Variants in CDH8 observed in about 807,000 individuals in gnomAD.
CDH8 encodes cadherin 8.
CDH8 carries 17 observed loss-of-function variants against 68.1 expected under a neutral mutation model. That is an observed-to-expected ratio of 0.25 (90% CI 0.17 to 0.37). CDH8 has a LOEUF of 0.37. Among genes scored for constraint, CDH8 ranks in the 10% least tolerant of loss-of-function variants. CDH8 has a pLI of 1.00. For synonymous variants in CDH8, 372 were observed against 365.1 expected, an observed-to-expected ratio of 1.02 and a Z score of -0.21; for missense variants, 763 against 999.3, an observed-to-expected ratio of 0.76 and a Z score of 3.19.
intron 3 of CDH8, among the ~76,000 whole-genome samples, chr16:61,863,024 A>G (rs1473745179): frequency 6.6e-6 from 1 of 152,148 alleles, no homozygotes; most frequent in Non-Finnish European, 1.5e-5. Flanking sequence ...CCAACTTGAT[A>G]CTGATCCTAA....
chr16:61,981,712 G>A (rs961652342), intron 2 of CDH8, among the ~76,000 whole-genome samples: 11 of 152,104 alleles, frequency 7.2e-5, no homozygotes, highest in Middle Eastern at 3.2e-3. Context: ...GGGGCAGAAA[G>A]AGGAATGAGA....
chr16:61,959,982 GTGTATATATATATA>G (rs1211484844), intron 2 of CDH8, among the ~76,000 whole-genome samples: 1 of 31,070 alleles, frequency 3.2e-5, no homozygotes, highest in African/African-American at 9.7e-5. Flanking sequence ...GTGTGTGTGT[GTGTATATATATATA>G]TATATATATA....
chr16:61,706,644 A>AAAAT (rs1468847521), intron 10 of CDH8, among the ~76,000 whole-genome samples: 1 of 148,134 alleles, frequency 6.8e-6, no homozygotes, highest in Non-Finnish European at 1.5e-5. Flanking sequence ...AAAAAAAAAA[A>AAAAT]GTGTAACTGG....
chr16:61,892,933 A>T (rs185717856), intron 3 of CDH8, among the ~76,000 whole-genome samples: 216 of 152,290 alleles, frequency 1.4e-3, no homozygotes, highest in African/African-American at 5.0e-3. Context: ...TTTAGAATGC[A>T]GTTATAGAGC....
chr16:61,854,772 G>T (rs1245592083), intron 4 of CDH8, among the ~76,000 whole-genome samples: 1 of 151,888 alleles, frequency 6.6e-6, no homozygotes, highest in East Asian at 1.9e-4. Context: ...TGCTTAGCTT[G>T]TATAACCTCC....
intron 1 of CDH8, among the ~76,000 whole-genome samples, chr16:62,024,059 G>C (rs572466772): frequency 6.6e-6 from 1 of 151,732 alleles, no homozygotes; most frequent in Admixed American, 6.6e-5. Flanking sequence ...TCTCCATCTC[G>C]AACTCCTCAC....
At chr16:61,860,234 G>C (rs970402103) in intron 3 of CDH8, among the ~76,000 whole-genome samples, 13 of 152,212 alleles carry the variant, frequency 8.5e-5, no homozygotes, top group African/African-American at 3.1e-4. Context: ...TCAGATGACA[G>C]TACGAAGGGC....
intron 2 of CDH8, among the ~76,000 whole-genome samples, chr16:61,990,952 G>A (rs911280294): frequency 2.7e-5 from 4 of 150,384 alleles, no homozygotes; most frequent in African/African-American, 7.4e-5. Context: ...CAGAGAGAGA[G>A]AAAAAAGAAA....
At chr16:61,998,358 G>T (rs1965841499) in intron 2 of CDH8, among the ~76,000 whole-genome samples, 1 of 152,096 alleles carries the variant, frequency 6.6e-6, no homozygotes, top group African/African-American at 2.4e-5. Context: ...ATATCTGCAG[G>T]TGTCTTTTTC....
intron 6 of CDH8, among the ~76,000 whole-genome samples, chr16:61,819,213 A>G (rs1275822288): frequency 6.6e-6 from 1 of 152,106 alleles, no homozygotes; most frequent in Non-Finnish European, 1.5e-5. Flanking sequence ...TGGACAAAAA[A>G]GAGGGCCTAT....
chr16:62,020,238 A>G (rs930212172), intron 2 of CDH8, among the ~76,000 whole-genome samples: 5 of 152,208 alleles, frequency 3.3e-5, no homozygotes, highest in African/African-American at 1.2e-4. Context: ...AGTGAATAAC[A>G]TTGGCCTGAT....
At chr16:61,907,982 G>A (rs1228745218) in intron 2 of CDH8, among the ~76,000 whole-genome samples, 1 of 146,612 alleles carries the variant, frequency 6.8e-6, no homozygotes, top group African/African-American at 2.6e-5. Context: ...GGTGGAGCTT[G>A]CAGTGAGCCA....
intron 2 of CDH8, among the ~76,000 whole-genome samples, chr16:61,903,448 C>G (rs1037718056): frequency 6.6e-6 from 1 of 152,162 alleles, no homozygotes; most frequent in African/African-American, 2.4e-5. Flanking sequence ...CTCAGCCGCC[C>G]GAGTAGCTGG....
At chr16:61,881,936 T>C (rs781745783) in intron 3 of CDH8, among the ~76,000 whole-genome samples, 22 of 152,216 alleles carry the variant, frequency 1.4e-4, no homozygotes, top group Non-Finnish European at 3.2e-4. Flanking sequence ...CCCAGGTATC[T>C]AAGCATTTCC....
At chr16:61,844,248 G>A (rs983836519) in intron 4 of CDH8, among the ~76,000 whole-genome samples, 6 of 142,232 alleles carry the variant, frequency 4.2e-5, no homozygotes, top group Non-Finnish European at 9.1e-5. Context: ...GACACAGGAA[G>A]GGGAACATCA....
chr16:61,802,150 C>A (rs1354676403), intron 7 of CDH8, among the ~76,000 whole-genome samples: 2 of 124,630 alleles, frequency 1.6e-5, no homozygotes, highest in African/African-American at 6.8e-5. Flanking sequence ...TCAAGTGGGT[C>A]CCTGACCCCT....
intron 2 of CDH8, among the ~76,000 whole-genome samples, chr16:61,912,877 G>A (rs1006300531): frequency 4.6e-5 from 7 of 151,900 alleles, no homozygotes; most frequent in East Asian, 3.9e-4. Flanking sequence ...TTCCATATCC[G>A]TGGGTCCTGC....
At chr16:61,844,526 A>C (rs2143009499) in intron 4 of CDH8, among the ~76,000 whole-genome samples, 1 of 152,312 alleles carries the variant, frequency 6.6e-6, no homozygotes, top group East Asian at 1.9e-4. Flanking sequence ...AGTCCTCAAT[A>C]ACCATTTTCC....
intron 2 of CDH8, among the ~76,000 whole-genome samples, chr16:61,987,811 C>A (rs1597110316): frequency 6.6e-6 from 1 of 151,766 alleles, no homozygotes. Context: ...GATATTAATA[C>A]TAGTACTAAC....
Sources: gnomAD v4.1 joint callset for allele counts (sites outside exome capture counted in the v4.1 genomes callset) on GRCh38, gnomAD v4.1.1 for gene constraint, MANE v1.5 for transcripts, NCBI Gene and HGNC (gene_info 2026-07-23, HGNC 2026-07-21) for gene names.